The following RNF166 variants were observed in gnomAD, a reference collection of about 807,000 sequenced individuals.
The protein encoded by RNF166 is E3 ubiquitin-protein ligase RNF166.
In RNF166, 19 loss-of-function variants were observed where a neutral mutation model predicts 29.4. The ratio of observed to expected loss-of-function variants is 0.65; its 90% CI spans 0.45 to 0.95. The LOEUF is 0.95. RNF166 is among the 40% of genes least tolerant of loss of function. RNF166 has a pLI of 0.00. For missense variants in RNF166, 347 were observed against 322.1 expected, an observed-to-expected ratio of 1.08 and a Z score of -0.59; for synonymous variants, 171 against 134.5, an observed-to-expected ratio of 1.27 and a Z score of -1.88.
chr16:88,703,884 A>G, intron 1 of RNF166: 1 of 985,424 alleles, frequency 1.0e-6, no homozygotes. Flanking sequence ...CACCCTCAGC[A>G]AGCCCCACAG....
intron 1 of RNF166, among the ~76,000 whole-genome samples, chr16:88,705,836 G>C (rs550639003): frequency 3.7e-4 from 57 of 152,346 alleles, no homozygotes; most frequent in Non-Finnish European, 7.2e-4. Flanking sequence ...CTGGCGGAGC[G>C]GTGGCACCTG....
intron 1 of RNF166, chr16:88,703,130 C>G: frequency 1.0e-6 from 1 of 985,564 alleles, no homozygotes; most frequent in Non-Finnish European, 1.2e-6. Flanking sequence ...TGGGGGTCCA[C>G]TCACGCTCAA....
Position 88,706,207 on chromosome 16 carries a change from T to C in RNF166, c.119A>G (p.Tyr40Cys). ...GCTGCCGATGGCCACGGGCCGGTGATAGACCTCCAGGCAGATGGGGCAGGT... is the reference window on the plus strand; with the variant it reads ...GCTGCCGATGGCCACGGGCCGGTGACAGACCTCCAGGCAGATGGGGCAGGT... ...QYTCPICLEVYHRPVAIGSCG... is the reference protein window; with the variant it reads ...QYTCPICLEVCHRPVAIGSCG... The change falls in exon 1 of 6, where the codon TAT becomes TGT. Residue 40 changes from tyrosine (Y) to cysteine (C), a missense_variant. Coordinates refer to ENST00000312838, the MANE Select transcript of RNF166 (RefSeq NM_178841.4). 2.3e-6 allele frequency: 3 copies of C among 1,313,326 alleles called. No homozygotes were observed. The highest frequency in any genetic ancestry group is 2.9e-6 in the Non-Finnish European group (3 of 1,026,284). 81.4% of individuals were successfully genotyped at this position (1,313,326 alleles called of 1,614,324 possible). A position where few individuals can be genotyped will look rare whatever the true frequency, so the allele number is the denominator to read the frequency against.
chr16:88,702,683 G>A lies in RNF166; in HGVS notation c.156-1265C>T, dbSNP rs538273105. ...GCTGGTGGCTCCCACATGAAACTTC[G>A]TGTGAGAGAAAGCGGGACTCAGCTT... On this transcript the variant is annotated intron_variant, in intron 1 of 5. Coordinates refer to ENST00000312838, the MANE Select transcript of RNF166 (RefSeq NM_178841.4). The A allele has an allele frequency of 1.7e-5, 17 of 984,452 alleles. No homozygotes were observed. In the Admixed American group the frequency reaches 6.1e-4, roughly 36 times the overall value. The allele number at this position is 984,452 out of a possible 1,614,324, so 61.0% of individuals were successfully genotyped here.
intron 1 of RNF166, chr16:88,701,700 C>A: frequency 2.5e-6 from 1 of 400,526 alleles, no homozygotes; most frequent in South Asian, 4.7e-5. Flanking sequence ...GCGAGTGGGC[C>A]AGAGGAGCTC....
rs1051389490 is a variant in RNF166 at position 88,701,779 on chromosome 16, T to C, written c.156-361A>G. ...ACGTGGCGACAACACCTGGGTGGGC[T>C]GTGGGGCGCAGGGACAGCCCGGGGA... On this transcript the variant is annotated intron_variant, in intron 1 of 5. Coordinates refer to ENST00000312838, the MANE Select transcript of RNF166 (RefSeq NM_178841.4). The C allele has an allele frequency of 3.3e-5, 8 of 244,782 alleles. No homozygotes were observed. In the South Asian group the frequency reaches 5.9e-4, roughly 18 times the overall value. 15.2% of individuals were successfully genotyped at this position (244,782 alleles called of 1,614,324 possible).
intron 2 of RNF166, among the ~76,000 whole-genome samples, 166 bp downstream of exon 2, chr16:88,701,096 G>A (rs748340082): frequency 1.1e-4 from 16 of 152,174 alleles, no homozygotes; most frequent in Non-Finnish European, 2.1e-4. Context: ...AGATGAAGAC[G>A]GGAGGGGAGG....
At chr16:88,701,575 C>G in intron 1 of RNF166, 157 bp from the exon 2 acceptor site, 1 of 686,052 alleles carries the variant, frequency 1.5e-6, no homozygotes, top group Non-Finnish European at 2.3e-6. Flanking sequence ...ACTCCTATGT[C>G]CGGGGCCCAC....
intron 2 of RNF166, chr16:88,700,047 G>A: frequency 9.7e-6 from 2 of 205,832 alleles, no homozygotes; most frequent in Middle Eastern, 1.9e-3. Flanking sequence ...GAAAAAGGAA[G>A]AGGCCAAGTG....
chr16:88,699,555 G>T (rs1439060588), intron 3 of RNF166, 65 bp downstream of exon 3: 3 of 1,320,906 alleles, frequency 2.3e-6, no homozygotes, highest in Non-Finnish European at 3.2e-6. Flanking sequence ...GGGGCACTGC[G>T]CTTGCTCCCA....
intron 1 of RNF166, chr16:88,703,547 G>C (rs1479094815): frequency 1.7e-5 from 17 of 985,266 alleles, no homozygotes; most frequent in Non-Finnish European, 2.0e-5. Flanking sequence ...GGCACCCACA[G>C]GGTGGGTGCT....
rs370524434 is a variant in RNF166 at position 88,698,975 on chromosome 16, C to T, written c.536G>A (p.Arg179His). The change falls in exon 4 of 6, where the codon CGC becomes CAC. Residue 179 changes from arginine to histidine, a missense_variant. Transcript: ENST00000312838. ...CVESHRSDPNRVVCPICSAMP... is the reference protein window; with the variant it reads ...CVESHRSDPNHVVCPICSAMP... ...CTTGGGGCAGGCACTGCTCACCACGCGGTTGGGGTCGCTGCGGTGGCTTTC... is the reference window on the plus strand; with the variant it reads ...CTTGGGGCAGGCACTGCTCACCACGTGGTTGGGGTCGCTGCGGTGGCTTTC... The T allele has an allele frequency of 1.4e-5, 22 of 1,588,642 alleles. No individual in the cohort carries two copies. Among genetic ancestry groups the T allele is most frequent in the South Asian group, 2.3e-5 (2 of 87,848 alleles).
Position 88,701,296 on chromosome 16 carries a change from G to T in RNF166, c.278C>A (p.Ser93Tyr). ...KATHVEKQLS[S>Y]YKAPCRGCNK... is the part of the protein sequence containing the mutation. ...GCAGCCTCGACAGGGCGCTTTGTAG[G>T]ATGAGAGCTGCTTCTCCACGTGGGT... Residue 93 changes from serine (S) to tyrosine (Y), a missense_variant, in exon 2 of 6, where the codon TCC (serine) becomes TAC (tyrosine). Transcript: ENST00000312838. The T allele has an allele frequency of 1.9e-6, 3 of 1,613,802 alleles. No homozygotes were observed. The highest frequency in any genetic ancestry group is 2.5e-6 in the Non-Finnish European group (3 of 1,179,958).
rs1276384933 is a variant in RNF166 at position 88,697,339 on chromosome 16, C to T, written c.*229G>A. 2 of 431,704 alleles carry T rather than the reference C, an allele frequency of 4.6e-6. No homozygotes were observed. The highest frequency in any genetic ancestry group is 8.4e-6 in the Non-Finnish European group (2 of 238,482). The allele number at this position is 431,704 out of a possible 1,614,324, so 26.7% of individuals were successfully genotyped here. A position where few individuals can be genotyped will look rare whatever the true frequency, so the allele number is the denominator to read the frequency against. The stretch of plus-strand genomic sequence containing the variant: ...AGTAGGCCGCCTGCTCGGCCAGAAG[C>T]ACCGAAGAACCCAGCGACGCCGGTG... On this transcript the variant is annotated 3_prime_UTR_variant, in exon 6 of 6. Coordinates refer to ENST00000312838, the MANE Select transcript of RNF166 (RefSeq NM_178841.4).
chr16:88,706,146 G>T (rs111753679), intron 1 of RNF166, 25 bp downstream of exon 1: 19 of 1,157,708 alleles, frequency 1.6e-5, no homozygotes, highest in Non-Finnish European at 2.0e-5. Flanking sequence ...CCCCCTCCCC[G>T]CGGCCCCTGG....
Position 88,701,840 on chromosome 16 carries a change from T to TA in RNF166, c.156-423dup, listed in dbSNP as rs1472362389. Among the ~76,000 whole-genome samples, 3 of 152,092 alleles carry TA rather than the reference T, an allele frequency of 2.0e-5. No homozygotes were observed. The East Asian group carries it at 5.8e-4, about 29-fold the overall frequency. ...TCTCCCGGCTCCACACTCTGGGGGATAAAACCTCAAACAATCGTGGGAAAG... is the reference window on the plus strand; with the variant it reads ...TCTCCCGGCTCCACACTCTGGGGGATAAAAACCTCAAACAATCGTGGGAAAG... On this transcript the variant is annotated intron_variant, in intron 1 of 5. Transcript: ENST00000312838.
chr16:88,701,054 C>G, intron 2 of RNF166: 1 of 1,325,644 alleles, frequency 7.5e-7, no homozygotes, highest in Non-Finnish European at 9.9e-7. Context: ...ACCGGGCTGG[C>G]CCCCCCGTCA....
rs1003356495 is a variant in RNF166, at chr16:88,702,854, G to A, written c.156-1436C>T. 25 of 985,348 alleles carry A rather than the reference G, an allele frequency of 2.5e-5. 1 individual carries two copies. The South Asian group carries it at 7.5e-4, about 30-fold the overall frequency. 61.0% of individuals were successfully genotyped at this position (985,348 alleles called of 1,614,324 possible). A position where few individuals can be genotyped will look rare whatever the true frequency, so the allele number is the denominator to read the frequency against. ...CTGACCCCTGGATTTGAGCCGGGGG[G>A]GCCGCCTACTTCACCCGTTCACGGG... On this transcript the variant is annotated intron_variant, in intron 1 of 5. Transcript: ENST00000312838.
intron 1 of RNF166, chr16:88,703,083 G>C: frequency 1.0e-6 from 1 of 985,576 alleles, no homozygotes; most frequent in Non-Finnish European, 1.2e-6. Context: ...CTGGAAAACA[G>C]TGCAGGGCAG....
Sources: gnomAD v4.1 joint callset for allele counts (sites outside exome capture counted in the v4.1 genomes callset) on GRCh38, gnomAD v4.1.1 for gene constraint, MANE v1.5 for transcripts, NCBI Gene and HGNC (gene_info 2026-07-23, HGNC 2026-07-21) for gene names.